The following OR2C1 variants were observed in gnomAD, a reference collection of about 807,000 sequenced individuals.
OR2C1 encodes olfactory receptor family 2 subfamily C member 1, also known as olfactory receptor 2C1.
For synonymous variants in OR2C1, 209 were observed against 167.3 expected (o/e 1.25, Z -1.92); for missense variants, 468 against 388.3 (o/e 1.21, Z -1.73).
the OR2C1 span, among the ~76,000 whole-genome samples, chr16:3,336,708 C>CTTTTTTTTTTTT: frequency 5.3e-5 from 5 of 93,766 alleles, no homozygotes; most frequent in African/African-American, 1.3e-4. Flanking sequence ...TTCTTTCTTT[C>CTTTTTTTTTTTT]TTTCTTTTTT....
At chr16:3,336,999 C>T in the OR2C1 span, among the ~76,000 whole-genome samples, 4 of 151,024 alleles carry the variant, frequency 2.6e-5, no homozygotes, top group Non-Finnish European at 4.4e-5. Context: ...TGAGCCACTG[C>T]GCCTGGCCCA....
At chr16:3,346,914 A>G in the OR2C1 span, among the ~76,000 whole-genome samples, 2 of 147,802 alleles carry the variant, frequency 1.4e-5, no homozygotes, top group African/African-American at 4.9e-5. Context: ...TTACAGGTGT[A>G]AGCCACCACC....
the OR2C1 span, among the ~76,000 whole-genome samples, chr16:3,331,861 T>G: frequency 6.6e-6 from 1 of 150,502 alleles, no homozygotes. Context: ...ATTAAGAAAA[T>G]GTGGCACATA....
At chr16:3,335,378 T>C in the OR2C1 span, among the ~76,000 whole-genome samples, 68 of 152,144 alleles carry the variant, frequency 4.5e-4, no homozygotes, top group African/African-American at 1.6e-3. Context: ...TTTATAGTTA[T>C]CTTTGTATAA....
chr16:3,333,224 T>TG, the OR2C1 span, among the ~76,000 whole-genome samples: 2,009 of 123,776 alleles, frequency 0.016, 97 homozygotes, highest in African/African-American at 0.065. Flanking sequence ...TTTTTTTTTT[T>TG]TTTTTTTTTT....
the OR2C1 span, among the ~76,000 whole-genome samples, chr16:3,333,831 C>G: frequency 6.6e-6 from 1 of 152,240 alleles, no homozygotes; most frequent in South Asian, 2.1e-4. Context: ...AGTTTCAGGT[C>G]TTAGATTTAA....
chr16:3,345,485 C>CA, the OR2C1 span, among the ~76,000 whole-genome samples: 90 of 142,238 alleles, frequency 6.3e-4, 3 homozygotes, highest in South Asian at 1.0e-2. Flanking sequence ...GACTCTGTCT[C>CA]AAAAAAAAAA....
chr16:3,353,914 T>A (rs943776113), upstream of OR2C1, among the ~76,000 whole-genome samples: 1 of 152,154 alleles, frequency 6.6e-6, no homozygotes, highest in Non-Finnish European at 1.5e-5. Context: ...TGGCCCATTA[T>A]TAACAAGAGC....
chr16:3,327,727 A>G, the OR2C1 span, among the ~76,000 whole-genome samples: 1 of 152,028 alleles, frequency 6.6e-6, no homozygotes, highest in Non-Finnish European at 1.5e-5. Flanking sequence ...GGCATCGGTT[A>G]ATTAGTGGTT....
At chr16:3,324,027 A>T in the OR2C1 span, 1 of 433,756 alleles carries the variant, frequency 2.3e-6, no homozygotes, top group African/African-American at 2.0e-5. Flanking sequence ...CATGATTTGT[A>T]CAATCAACTG....
the OR2C1 span, among the ~76,000 whole-genome samples, chr16:3,346,456 T>G: frequency 6.6e-6 from 1 of 152,108 alleles, no homozygotes; most frequent in Admixed American, 6.6e-5. Context: ...TAACCAGACC[T>G]ATGGTCCCCT....
chr16:3,352,755 T>G (rs2030592878), upstream of OR2C1, among the ~76,000 whole-genome samples: 1 of 149,482 alleles, frequency 6.7e-6, no homozygotes, highest in African/African-American at 2.5e-5. Flanking sequence ...TTTTTTTTTT[T>G]TCTGAGGTAG....
At chr16:3,354,417 CT>C (rs2150851620), upstream of OR2C1, among the ~76,000 whole-genome samples, 1 of 152,314 alleles carries the variant, frequency 6.6e-6, no homozygotes, top group East Asian at 1.9e-4. Flanking sequence ...ATTTTAACCC[CT>C]TTTTGTGTAA....
the OR2C1 span, among the ~76,000 whole-genome samples, chr16:3,328,220 G>A: frequency 1.3e-5 from 2 of 152,174 alleles, no homozygotes; most frequent in Non-Finnish European, 2.9e-5. Flanking sequence ...TTTATGGCCA[G>A]TTAATACTTG....
At chr16:3,337,432 G>A in the OR2C1 span, among the ~76,000 whole-genome samples, 4 of 151,942 alleles carry the variant, frequency 2.6e-5, no homozygotes, top group East Asian at 1.9e-4. Context: ...GCCTCCCAAA[G>A]TGCTGGGATT....
the OR2C1 span, among the ~76,000 whole-genome samples, chr16:3,333,972 T>A: frequency 7.3e-5 from 11 of 151,648 alleles, no homozygotes; most frequent in Non-Finnish European, 1.5e-4. Context: ...CCATTATATA[T>A]TCTTTTTGGG....
chr16:3,353,079 C>G (rs1415151296), upstream of OR2C1, among the ~76,000 whole-genome samples: 1 of 151,870 alleles, frequency 6.6e-6, no homozygotes, highest in African/African-American at 2.4e-5. Context: ...CACAAGGGAA[C>G]AAGCACCTGA....
At chr16:3,332,663 T>C in the OR2C1 span, among the ~76,000 whole-genome samples, 1 of 151,940 alleles carries the variant, frequency 6.6e-6, no homozygotes, top group African/African-American at 2.4e-5. Flanking sequence ...CCATCTGTGA[T>C]GCTACAAATG....
chr16:3,345,552 A>T, the OR2C1 span, among the ~76,000 whole-genome samples: 1 of 152,134 alleles, frequency 6.6e-6, no homozygotes, highest in African/African-American at 2.4e-5. Context: ...GGATACACAT[A>T]CACATGGTAT....
Sources: gnomAD v4.1 joint callset for allele counts (sites outside exome capture counted in the v4.1 genomes callset) on GRCh38, gnomAD v4.1.1 for gene constraint, MANE v1.5 for transcripts, NCBI Gene and HGNC (gene_info 2026-07-23, HGNC 2026-07-21) for gene names.